CHID1: variants seen among roughly 807,000 people sequenced by gnomAD.
CHID1 encodes the protein chitinase domain containing 1.
CHID1 carries 44 observed loss-of-function variants against 55.4 expected under a neutral mutation model. That is an observed-to-expected ratio of 0.79 (90% CI 0.62 to 1.02). CHID1 has a LOEUF of 1.02. Among genes scored for constraint, CHID1 ranks in the 50% least tolerant of loss-of-function variants. The probability of loss-of-function intolerance (pLI) is 0.00; values close to 1 mark genes in which losing one functional copy is unlikely to be tolerated. For synonymous variants in CHID1, 216 were observed against 212.9 expected (o/e 1.01, Z -0.13); for missense variants, 491 against 515.3 (o/e 0.95, Z 0.46).
rs1056078816 is a variant in CHID1 at position 901,647 on chromosome 11, G to A, written c.394+551C>T. Among the ~76,000 whole-genome samples, 6 of 152,202 alleles carry A rather than the reference G, an allele frequency of 3.9e-5. 1 individual carries two copies. Among genetic ancestry groups the A allele is most frequent in the Admixed American group, 3.9e-4 (6 of 15,288 alleles). On this transcript the variant is annotated intron_variant, in intron 4 of 12. Transcript: ENST00000323578. ...GCCGTTTGCTGCCCAGAGGCTGCCTGAGTCATTGTAGAGCCTGTCCTGCAC... is the reference window on the plus strand; with the variant it reads ...GCCGTTTGCTGCCCAGAGGCTGCCTAAGTCATTGTAGAGCCTGTCCTGCAC...
At chr11:907,782 T>C (rs1565207813) in intron 1 of CHID1, among the ~76,000 whole-genome samples, 1 of 152,106 alleles carries the variant, frequency 6.6e-6, no homozygotes, top group Non-Finnish European at 1.5e-5. Flanking sequence ...CTCCTGAGTA[T>C]ATGGGAGCTC....
intron 10 of CHID1, among the ~76,000 whole-genome samples, chr11:880,422 C>T (rs932644623): frequency 4.6e-5 from 7 of 152,196 alleles, no homozygotes; most frequent in African/African-American, 1.7e-4. Context: ...TGCTGGACCC[C>T]AGGACCAGCC....
chr11:910,897 G>T, upstream of CHID1: 1 of 1,009,818 alleles, frequency 9.9e-7, no homozygotes, highest in Non-Finnish European at 1.2e-6. Flanking sequence ...ATGGAGAGGG[G>T]CTGGGCCAGG....
intron 10 of CHID1, among the ~76,000 whole-genome samples, chr11:872,659 G>T (rs879385171): frequency 6.6e-6 from 1 of 152,260 alleles, no homozygotes; most frequent in Non-Finnish European, 1.5e-5. Context: ...CCATCAGACA[G>T]CTCTAAAATT....
intron 8 of CHID1, among the ~76,000 whole-genome samples, chr11:892,749 A>G (rs1850939297): frequency 6.6e-6 from 1 of 152,184 alleles, no homozygotes; most frequent in African/African-American, 2.4e-5. Flanking sequence ...AGAGCCCTGG[A>G]AAGCTTGGAG....
At chr11:898,179 C>T (rs1306808267) in intron 7 of CHID1, among the ~76,000 whole-genome samples, 1 of 152,240 alleles carries the variant, frequency 6.6e-6, no homozygotes, top group Non-Finnish European at 1.5e-5. Flanking sequence ...CCCTTCCCTC[C>T]CTCAAGCTTA....
At chr11:888,519 G>A (rs1051983294) in intron 8 of CHID1, among the ~76,000 whole-genome samples, 1 of 152,254 alleles carries the variant, frequency 6.6e-6, no homozygotes, top group Non-Finnish European at 1.5e-5. Context: ...GGATCACCAC[G>A]GCTGAGCAAT....
chr11:906,835 C>A (rs1397157965), intron 1 of CHID1, among the ~76,000 whole-genome samples: 2 of 151,870 alleles, frequency 1.3e-5, no homozygotes, highest in Non-Finnish European at 2.9e-5. Context: ...TCGAGACCAG[C>A]CTGACCAACA....
intron 7 of CHID1, 96 bp downstream of exon 7, chr11:899,244 A>G: frequency 8.2e-7 from 1 of 1,213,910 alleles, no homozygotes; most frequent in African/African-American, 1.5e-5. Flanking sequence ...GGACTGTGGA[A>G]GGAAGGCCCT....
At chr11:882,206 T>C (rs1850012457) in intron 10 of CHID1, 1 of 152,146 alleles carries the variant, frequency 6.6e-6, no homozygotes, top group African/African-American at 2.4e-5. Context: ...ACGCCTGTAG[T>C]CCCAGCTACT....
intron 1 of CHID1, among the ~76,000 whole-genome samples, chr11:906,984 C>G (rs7924873): frequency 6.6e-6 from 1 of 152,116 alleles, no homozygotes; most frequent in African/African-American, 2.4e-5. Context: ...GCCGAGATCG[C>G]GCAATTGCAC....
chr11:898,929 C>T (rs765676432), intron 7 of CHID1, among the ~76,000 whole-genome samples: 20 of 152,200 alleles, frequency 1.3e-4, no homozygotes, highest in Non-Finnish European at 2.1e-4. Flanking sequence ...TGGCCGTGCT[C>T]AGGGACACCC....
At position 884,080 on chromosome 11, in the gene CHID1, G is replaced by A; in HGVS notation, c.791C>T (p.Ser264Phe). Residue 264 changes from serine to phenylalanine, a missense_variant, in exon 9 of 13, where the codon TCT (serine) becomes TTT (phenylalanine). By Grantham distance (155) the Ser-to-Phe change is radical. Coordinates refer to ENST00000323578, the MANE Select transcript of CHID1 (RefSeq NM_023947.4). ...DGFSLMTYDY[S>F]TAHQPGPNAP... The stretch of plus-strand genomic sequence containing the variant: ...AGCCCACACTCACTGATGCGCTGTA[G>A]AGTAGTCGTAGGTCATGAGGCTGAA... 1 of 1,613,752 alleles carries A rather than the reference G, an allele frequency of 6.2e-7. No individual in the cohort carries two copies. The highest frequency in any genetic ancestry group is 8.5e-7 in the Non-Finnish European group (1 of 1,179,630).
chr11:913,340 G>A (rs1305475238), upstream of CHID1, among the ~76,000 whole-genome samples: 1 of 152,124 alleles, frequency 6.6e-6, no homozygotes, highest in African/African-American at 2.4e-5. Context: ...TGAAGCACCC[G>A]AGATTCTGTT....
chr11:886,456 A>G (rs1005931232), intron 8 of CHID1, among the ~76,000 whole-genome samples: 5 of 152,174 alleles, frequency 3.3e-5, no homozygotes, highest in African/African-American at 1.2e-4. Context: ...AAGACAATTG[A>G]TGAATCGGTC....
chr11:906,423 G>C (rs1236273935), intron 1 of CHID1, among the ~76,000 whole-genome samples: 2 of 151,992 alleles, frequency 1.3e-5, no homozygotes, highest in African/African-American at 4.8e-5. Context: ...ATTTTTAGTA[G>C]AAATGGGGTT....
intron 7 of CHID1, among the ~76,000 whole-genome samples, chr11:897,426 G>A (rs1851446987): frequency 6.6e-6 from 1 of 152,226 alleles, no homozygotes; most frequent in African/African-American, 2.4e-5. Context: ...GAGAAGGCTG[G>A]AAGCAGGCGG....
At chr11:906,082 C>T (rs536346665) in intron 1 of CHID1, among the ~76,000 whole-genome samples, 5 of 138,236 alleles carry the variant, frequency 3.6e-5, no homozygotes, top group Non-Finnish European at 8.5e-5. Context: ...GGGATCCCAG[C>T]CACCACCACA....
At chr11:907,946 G>T (rs1172657002) in intron 1 of CHID1, among the ~76,000 whole-genome samples, 3 of 152,182 alleles carry the variant, frequency 2.0e-5, no homozygotes, top group Non-Finnish European at 2.9e-5. Context: ...CCCTTGACCT[G>T]CTTTCTTCTG....
Sources: gnomAD v4.1 joint callset for allele counts (sites outside exome capture counted in the v4.1 genomes callset) on GRCh38, gnomAD v4.1.1 for gene constraint, MANE v1.5 for transcripts, NCBI Gene and HGNC (gene_info 2026-07-23, HGNC 2026-07-21) for gene names.